The following KAZN variants were observed in gnomAD, a reference collection of about 807,000 sequenced individuals.
The protein encoded by KAZN is kazrin.
In KAZN, 40 loss-of-function variants were observed where a neutral mutation model predicts 87.4. The ratio of observed to expected loss-of-function variants is 0.46; its 90% CI spans 0.36 to 0.60. KAZN has a LOEUF of 0.60. KAZN is among the 20% of genes least tolerant of loss of function. The pLI is 0.00. For missense variants in KAZN, 898 were observed against 1,073.9 expected (o/e 0.84, Z 2.29); for synonymous variants, 466 against 458.3 (o/e 1.02, Z -0.22).
intron 2 of KAZN, among the ~76,000 whole-genome samples, chr1:15,005,079 G>A (rs530693179): frequency 1.4e-4 from 21 of 152,294 alleles, no homozygotes; most frequent in South Asian, 1.0e-3. Context: ...ACCAAGCCCA[G>A]GCTGGGAATG....
At chr1:14,380,391 T>A (rs1221553440) in intron 2 of KAZN, among the ~76,000 whole-genome samples, 49 of 152,116 alleles carry the variant, frequency 3.2e-4, no homozygotes, top group Non-Finnish European at 1.5e-5. Flanking sequence ...AGGAACCTAT[T>A]TGAAGAAACA....
intron 2 of KAZN, among the ~76,000 whole-genome samples, chr1:14,408,690 G>A (rs1664063441): frequency 1.3e-5 from 2 of 152,128 alleles, no homozygotes; most frequent in Non-Finnish European, 2.9e-5. Flanking sequence ...TACTTTCTTA[G>A]AGGCCACATA....
intron 1 of KAZN, among the ~76,000 whole-genome samples, chr1:14,016,383 C>A (rs1420410541): frequency 6.6e-6 from 1 of 152,130 alleles, no homozygotes; most frequent in Non-Finnish European, 1.5e-5. Flanking sequence ...AAACATGACC[C>A]TATGTAAGCC....
At chr1:14,232,273 C>G (rs1344077651) in intron 2 of KAZN, among the ~76,000 whole-genome samples, 1 of 152,166 alleles carries the variant, frequency 6.6e-6, no homozygotes, top group East Asian at 1.9e-4. Flanking sequence ...ATGTATGTGC[C>G]TATTGCAGAG....
At chr1:14,990,066 T>C (rs969459616) in intron 2 of KAZN, among the ~76,000 whole-genome samples, 13 of 152,280 alleles carry the variant, frequency 8.5e-5, no homozygotes, top group African/African-American at 3.1e-4. Flanking sequence ...TTCAGTAACC[T>C]GCTCAAAGCC....
chr1:14,662,617 T>C (rs1461964425), intron 1 of KAZN, among the ~76,000 whole-genome samples: 2 of 152,036 alleles, frequency 1.3e-5, no homozygotes, highest in African/African-American at 4.8e-5. Flanking sequence ...CTCTGACCAA[T>C]ACTGGTCTTT....
intron 2 of KAZN, among the ~76,000 whole-genome samples, chr1:14,254,713 TAAAA>T (rs34435903): frequency 6.9e-6 from 1 of 145,654 alleles, no homozygotes; most frequent in Non-Finnish European, 1.5e-5. Flanking sequence ...GTAATTTATT[TAAAA>T]AAAAAAAGGT....
intron 1 of KAZN, among the ~76,000 whole-genome samples, chr1:13,990,661 T>C (rs1639235636): frequency 6.6e-6 from 1 of 152,212 alleles, no homozygotes; most frequent in Non-Finnish European, 1.5e-5. Flanking sequence ...TAAGAGTTTT[T>C]GTATTTCATT....
At chr1:13,953,981 TC>T (rs1641446975) in intron 1 of KAZN, among the ~76,000 whole-genome samples, 1 of 152,226 alleles carries the variant, frequency 6.6e-6, no homozygotes, top group African/African-American at 2.4e-5. Flanking sequence ...TTAGGTGTGG[TC>T]AAGTCTTCAA....
chr1:14,979,393 A>G (rs1462552545), intron 2 of KAZN, among the ~76,000 whole-genome samples: 1 of 151,960 alleles, frequency 6.6e-6, no homozygotes, highest in Non-Finnish European at 1.5e-5. Context: ...TGGGTGGCAG[A>G]GGGAGACTTC....
intron 2 of KAZN, among the ~76,000 whole-genome samples, chr1:14,226,700 A>G (rs12042616): frequency 0.28 from 42,766 of 152,106 alleles, 6,428 homozygotes; most frequent in East Asian, 0.48. Context: ...GTACATATAC[A>G]CCATGCAATA....
At chr1:14,403,945 C>T (rs1004814424) in intron 2 of KAZN, among the ~76,000 whole-genome samples, 4 of 152,058 alleles carry the variant, frequency 2.6e-5, no homozygotes, top group Non-Finnish European at 5.9e-5. Context: ...AGAGAGGTCC[C>T]GGAGAAAATG....
At chr1:14,408,823 C>A (rs533478586) in intron 2 of KAZN, among the ~76,000 whole-genome samples, 1 of 151,564 alleles carries the variant, frequency 6.6e-6, no homozygotes, top group African/African-American at 2.4e-5. Context: ...AAACCACGAA[C>A]AAGTACACAA....
chr1:15,036,757 C>T (rs1000166953), intron 3 of KAZN, among the ~76,000 whole-genome samples: 2 of 152,144 alleles, frequency 1.3e-5, no homozygotes, highest in Non-Finnish European at 2.9e-5. Context: ...TGCAGGTACA[C>T]GTGTGTGCTC....
intron 1 of KAZN, among the ~76,000 whole-genome samples, chr1:13,934,963 G>A (rs377233253): frequency 1.3e-5 from 2 of 152,146 alleles, no homozygotes; most frequent in Non-Finnish European, 2.9e-5. Flanking sequence ...AGGGCCGGGT[G>A]TGGTGGCTTA....
intron 2 of KAZN, among the ~76,000 whole-genome samples, chr1:14,348,051 A>T (rs867068860): frequency 1.4e-4 from 17 of 117,872 alleles, no homozygotes; most frequent in Admixed American, 3.0e-4. Flanking sequence ...CACCTGGCTA[A>T]TTTTTTTTTT....
chr1:14,480,539 T>C (rs1669012532), intron 2 of KAZN, among the ~76,000 whole-genome samples: 3 of 148,106 alleles, frequency 2.0e-5, no homozygotes, highest in South Asian at 4.2e-4. Flanking sequence ...ATATAGCATA[T>C]ATAATTTATA....
chr1:15,025,568 A>T (rs1346336749), intron 2 of KAZN, among the ~76,000 whole-genome samples: 1 of 152,244 alleles, frequency 6.6e-6, no homozygotes, highest in Non-Finnish European at 1.5e-5. Context: ...CTAGTTGATT[A>T]GTCGTGTCTT....
chr1:14,618,802 G>T (rs188958798), intron 1 of KAZN, among the ~76,000 whole-genome samples: 22 of 152,340 alleles, frequency 1.4e-4, no homozygotes, highest in East Asian at 9.6e-4. Flanking sequence ...ATAGTAGTAT[G>T]TGCAAGGTAT....
Sources: gnomAD v4.1 joint callset for allele counts (sites outside exome capture counted in the v4.1 genomes callset) on GRCh38, gnomAD v4.1.1 for gene constraint, MANE v1.5 for transcripts, NCBI Gene and HGNC (gene_info 2026-07-23, HGNC 2026-07-21) for gene names.